The following NRG1 variants were observed in gnomAD, a reference collection of about 807,000 sequenced individuals.
The protein encoded by NRG1 is neuregulin 1.
A neutral mutation model predicts 63.8 loss-of-function variants in NRG1; 18 were observed. That is an observed-to-expected ratio of 0.28 (90% CI 0.19 to 0.42). The LOEUF (loss-of-function observed/expected upper bound fraction) is 0.42, where lower values mean the gene tolerates loss of function less well. NRG1 is among the 10% of genes least tolerant of loss of function. The probability of loss-of-function intolerance (pLI) is 1.00; values close to 1 mark genes in which losing one functional copy is unlikely to be tolerated. For missense variants in NRG1, 762 were observed against 814.7 expected, an observed-to-expected ratio of 0.94 and a Z score of 0.79; for synonymous variants, 302 against 301.3, an observed-to-expected ratio of 1.00 and a Z score of -0.02.
intron 1 of NRG1, among the ~76,000 whole-genome samples, chr8:32,577,356 T>G (rs1350084275): frequency 1.3e-5 from 2 of 152,212 alleles, no homozygotes; most frequent in African/African-American, 4.8e-5. Flanking sequence ...AAGTGACTTA[T>G]GTATACAGTT....
intron 1 of NRG1, among the ~76,000 whole-genome samples, chr8:32,407,567 T>C (rs981754101): frequency 3.9e-5 from 6 of 152,010 alleles, no homozygotes; most frequent in Non-Finnish European, 7.4e-5. Flanking sequence ...GAGAAAGAAG[T>C]AACACACTGC....
At chr8:31,767,652 C>G (rs989048508) in intron 1 of NRG1, among the ~76,000 whole-genome samples, 5 of 151,992 alleles carry the variant, frequency 3.3e-5, no homozygotes, top group Non-Finnish European at 7.4e-5. Flanking sequence ...CCAGCTTTCC[C>G]AACATGCGGA....
At chr8:32,206,125 A>G (rs1844036546) in intron 1 of NRG1, among the ~76,000 whole-genome samples, 2 of 152,098 alleles carry the variant, frequency 1.3e-5, no homozygotes, top group Non-Finnish European at 2.9e-5. Flanking sequence ...TAAAAATCTA[A>G]TGCAAAAACA....
chr8:32,744,412 A>G (rs1827066124), intron 7 of NRG1, among the ~76,000 whole-genome samples: 1 of 152,136 alleles, frequency 6.6e-6, no homozygotes, highest in Non-Finnish European at 1.5e-5. Flanking sequence ...AGTAATATGC[A>G]TTTAGTAGGG....
At chr8:31,647,274 T>C (rs746814696) in intron 1 of NRG1, among the ~76,000 whole-genome samples, 1 of 152,012 alleles carries the variant, frequency 6.6e-6, no homozygotes, top group Non-Finnish European at 1.5e-5. Flanking sequence ...TACAAAGAGG[T>C]TTTAGATCAG....
At chr8:32,460,123 T>A (rs369155700) in intron 1 of NRG1, among the ~76,000 whole-genome samples, 56 of 152,328 alleles carry the variant, frequency 3.7e-4, no homozygotes, top group African/African-American at 1.3e-3. Flanking sequence ...CGGCAGTAAT[T>A]CCAGGCCTTG....
chr8:31,998,200 C>T (rs1450229208), intron 1 of NRG1, among the ~76,000 whole-genome samples: 1 of 152,066 alleles, frequency 6.6e-6, no homozygotes, highest in East Asian at 1.9e-4. Context: ...TTTTTGATTC[C>T]AGCCTAGGGA....
intron 5 of NRG1, among the ~76,000 whole-genome samples, chr8:32,626,896 C>T (rs1849396676): frequency 6.6e-6 from 1 of 151,874 alleles, no homozygotes; most frequent in South Asian, 2.1e-4. Context: ...AGGCACATGT[C>T]TGTAATCCCA....
At chr8:32,491,041 C>T (rs970978073) in intron 1 of NRG1, among the ~76,000 whole-genome samples, 2 of 152,142 alleles carry the variant, frequency 1.3e-5, no homozygotes, top group African/African-American at 4.8e-5. Flanking sequence ...ACTAATTTTT[C>T]CCCCTTCATC....
chr8:31,865,664 A>T (rs1464186304), intron 1 of NRG1, among the ~76,000 whole-genome samples: 1 of 152,076 alleles, frequency 6.6e-6, no homozygotes, highest in Non-Finnish European at 1.5e-5. Context: ...GTGAAGAAAG[A>T]TGTGTTTGCT....
At chr8:31,794,670 A>T (rs1563410209) in intron 1 of NRG1, among the ~76,000 whole-genome samples, 1 of 148,302 alleles carries the variant, frequency 6.7e-6, no homozygotes, top group East Asian at 1.9e-4. Flanking sequence ...ACTTTATAAT[A>T]ATTATTATTA....
At chr8:31,882,438 G>T (rs1213906670) in intron 1 of NRG1, among the ~76,000 whole-genome samples, 1 of 151,422 alleles carries the variant, frequency 6.6e-6, no homozygotes, top group Non-Finnish European at 1.5e-5. Flanking sequence ...GAAGGTGAAC[G>T]TTGTTTTCAT....
At chr8:32,601,519 G>A (rs1033699712) in intron 2 of NRG1, among the ~76,000 whole-genome samples, 1 of 151,996 alleles carries the variant, frequency 6.6e-6, no homozygotes, top group African/African-American at 2.4e-5. Context: ...TTTCCTGTAA[G>A]ACTTAGTTTT....
chr8:32,338,661 A>G (rs149328301), intron 1 of NRG1, among the ~76,000 whole-genome samples: 48 of 152,280 alleles, frequency 3.2e-4, no homozygotes, highest in African/African-American at 1.1e-3. Context: ...TAAAATAAAA[A>G]AAGGATTGAT....
chr8:32,166,941 T>C (rs1442116822), intron 1 of NRG1, among the ~76,000 whole-genome samples: 1 of 152,186 alleles, frequency 6.6e-6, no homozygotes, highest in Admixed American at 6.5e-5. Flanking sequence ...AAAATGGACA[T>C]TAAACTATGG....
chr8:32,621,672 T>C (rs1848364504), intron 5 of NRG1, among the ~76,000 whole-genome samples: 1 of 152,200 alleles, frequency 6.6e-6, no homozygotes, highest in African/African-American at 2.4e-5. Flanking sequence ...AGTGGTAATA[T>C]CTGTTTCAAA....
At chr8:31,954,613 A>G (rs327382) in intron 1 of NRG1, among the ~76,000 whole-genome samples, 4,535 of 152,200 alleles carry the variant, frequency 0.03, 194 homozygotes, top group African/African-American at 0.1. Flanking sequence ...AAGTCTTTTA[A>G]TTATATTTTG....
chr8:32,148,623 G>T (rs1425189648), intron 1 of NRG1, among the ~76,000 whole-genome samples: 1 of 152,130 alleles, frequency 6.6e-6, no homozygotes, highest in Non-Finnish European at 1.5e-5. Flanking sequence ...GAATGATTTT[G>T]GGAGTAATCC....
chr8:32,748,252 G>T (rs1827864598), intron 7 of NRG1, among the ~76,000 whole-genome samples: 1 of 151,812 alleles, frequency 6.6e-6, no homozygotes, highest in African/African-American at 2.4e-5. Flanking sequence ...ATCAAAGAAA[G>T]AAAATATAGA....
Sources: allele counts gnomAD v4.1 joint callset (sites outside exome capture counted in the v4.1 genomes callset), GRCh38; gene constraint gnomAD v4.1.1; transcripts MANE v1.5; gene names NCBI Gene and HGNC (gene_info 2026-07-23, HGNC 2026-07-21).